WWOX: variants seen among roughly 807,000 people sequenced by gnomAD.
WWOX encodes WW domain containing oxidoreductase, also known as WW domain-containing oxidoreductase.
In WWOX, 69 loss-of-function variants were observed where a neutral mutation model predicts 46.2. The ratio of observed to expected loss-of-function variants is 1.49; its 90% CI spans 1.23 to 1.82. WWOX has a LOEUF of 1.82. WWOX is among the 40% of genes most tolerant of loss of function. The pLI, the probability that WWOX is intolerant of heterozygous loss-of-function variation, is 0.00. For synonymous variants in WWOX, 359 were observed against 202.6 expected, an observed-to-expected ratio of 1.77 and a Z score of -6.56; for missense variants, 919 against 542.6, an observed-to-expected ratio of 1.69 and a Z score of -6.89.
chr16:78,912,766 C>T (rs1047058981), intron 8 of WWOX, among the ~76,000 whole-genome samples: 2 of 151,930 alleles, frequency 1.3e-5, no homozygotes, highest in African/African-American at 4.8e-5. Flanking sequence ...AAACCAACTT[C>T]TAGTCAAGTT....
intron 8 of WWOX, among the ~76,000 whole-genome samples, chr16:78,541,601 G>C (rs2043897639): frequency 2.0e-5 from 3 of 148,420 alleles, no homozygotes; most frequent in South Asian, 4.5e-4. Context: ...ATTGTTTATA[G>C]TTAAGTTAAT....
chr16:78,449,556 A>G (rs2083641578), intron 8 of WWOX, among the ~76,000 whole-genome samples: 2 of 152,278 alleles, frequency 1.3e-5, no homozygotes, highest in South Asian at 4.1e-4. Flanking sequence ...CATAGCATTT[A>G]TTACGGATAA....
intron 8 of WWOX, among the ~76,000 whole-genome samples, chr16:78,529,692 C>T (rs139989784): frequency 6.6e-6 from 1 of 152,100 alleles, no homozygotes; most frequent in African/African-American, 2.4e-5. Context: ...TGGTCTCGAT[C>T]TCCTGACCTC....
intron 8 of WWOX, among the ~76,000 whole-genome samples, chr16:78,436,917 T>A (rs1447855288): frequency 1.3e-5 from 2 of 152,236 alleles, no homozygotes; most frequent in Non-Finnish European, 2.9e-5. Context: ...TTTTTGGATA[T>A]AAGCCACGCA....
At chr16:79,023,678 G>A (rs1217486887) in intron 8 of WWOX, among the ~76,000 whole-genome samples, 2 of 152,068 alleles carry the variant, frequency 1.3e-5, no homozygotes, top group Non-Finnish European at 2.9e-5. Context: ...CCAGCACTTT[G>A]GGAGGCTGAG....
At chr16:78,853,443 T>C (rs1462593472) in intron 8 of WWOX, among the ~76,000 whole-genome samples, 1 of 152,106 alleles carries the variant, frequency 6.6e-6, no homozygotes, top group Non-Finnish European at 1.5e-5. Context: ...GTTTTCATTA[T>C]TGTGGTTATC....
intron 8 of WWOX, chr16:78,890,449 T>C (rs1198809710): frequency 4.0e-5 from 6 of 151,720 alleles, no homozygotes; most frequent in Non-Finnish European, 7.3e-5. Flanking sequence ...TCTGAGACTG[T>C]TCCCCCAGCC....
intron 5 of WWOX, among the ~76,000 whole-genome samples, chr16:78,360,634 CTTTCTTGTAAT>C (rs2081389358): frequency 6.7e-5 from 3 of 44,792 alleles, no homozygotes; most frequent in African/African-American, 1.8e-4. Context: ...AGTACCTCTA[CTTTCTTGTAAT>C]TTTAGCAGTT....
chr16:78,957,307 A>G (rs1254349004), intron 8 of WWOX, among the ~76,000 whole-genome samples: 1 of 152,250 alleles, frequency 6.6e-6, no homozygotes, highest in African/African-American at 2.4e-5. Flanking sequence ...GAGAAAACTT[A>G]GCATCTAATG....
chr16:78,163,293 A>G (rs997823174), intron 4 of WWOX, among the ~76,000 whole-genome samples: 4 of 152,194 alleles, frequency 2.6e-5, no homozygotes, highest in Non-Finnish European at 5.9e-5. Context: ...TAATCAAACT[A>G]GGAATTGAAA....
Position 78,542,137 on chromosome 16 carries a change from A to G in WWOX, c.1056+109385A>G, listed in dbSNP as rs569218290. Among the ~76,000 whole-genome samples, 16 of 150,208 alleles carry G rather than the reference A, an allele frequency of 1.1e-4. No individual in the cohort carries two copies. In the South Asian group the frequency reaches 1.1e-3, roughly 10 times the overall value. ...TCTTGGAGAAACCTCCCAAATTTCT[A>G]TCGACACTAGACATCTCAGGATTTG... On this transcript the variant is annotated intron_variant, in intron 8 of 8. Transcript: ENST00000566780.
At chr16:78,239,777 C>T (rs570023359) in intron 5 of WWOX, among the ~76,000 whole-genome samples, 1 of 152,000 alleles carries the variant, frequency 6.6e-6, no homozygotes, top group African/African-American at 2.4e-5. Flanking sequence ...TCAGGTGATC[C>T]GCCAGTCTCA....
intron 8 of WWOX, among the ~76,000 whole-genome samples, chr16:78,749,784 C>G (rs1231995929): frequency 1.3e-5 from 2 of 152,172 alleles, no homozygotes; most frequent in African/African-American, 4.8e-5. Flanking sequence ...TGAAATGCAA[C>G]TGTACTTCCT....
At chr16:78,215,880 C>T (rs1379706481) in intron 5 of WWOX, among the ~76,000 whole-genome samples, 1 of 150,952 alleles carries the variant, frequency 6.6e-6, no homozygotes, top group Non-Finnish European at 1.5e-5. Flanking sequence ...GAGCCGAGAT[C>T]ATGCCACTGC....
chr16:78,381,618 A>T (rs1260590050), intron 5 of WWOX, among the ~76,000 whole-genome samples: 3 of 152,214 alleles, frequency 2.0e-5, no homozygotes, highest in African/African-American at 7.2e-5. Context: ...GCCTGAGATA[A>T]GCTTGTACTG....
Position 78,644,938 on chromosome 16 carries a change from A to C in WWOX, c.1056+212186A>C, listed in dbSNP as rs113075098. Among the ~76,000 whole-genome samples the C allele has an allele frequency of 2.8e-3, 422 of 152,300 alleles. 1 individual carries two copies. The highest frequency in any genetic ancestry group is 9.8e-3 in the African/African-American group (407 of 41,572). The stretch of plus-strand genomic sequence containing the variant: ...CTAAGGAAAATTGTATTTTTGTGGA[A>C]TTCTTTGAACTCGTTACTATTAGTA... On this transcript the variant is annotated intron_variant, in intron 8 of 8. Transcript: ENST00000566780.
chr16:78,329,317 G>T (rs1043795435), intron 5 of WWOX, among the ~76,000 whole-genome samples: 1 of 152,174 alleles, frequency 6.6e-6, no homozygotes, highest in Non-Finnish European at 1.5e-5. Flanking sequence ...GGCATTTGGG[G>T]AAGGGCTCTC....
Position 78,186,821 on chromosome 16 carries a change from T to C in WWOX, c.516+22532T>C, listed in dbSNP as rs537335426. 9.9e-5 allele frequency among the ~76,000 whole-genome samples: 15 copies of C among 152,140 alleles called. 1 individual carries two copies. Among genetic ancestry groups the C allele is most frequent in the Non-Finnish European group, 8.8e-5 (6 of 68,034 alleles). ...AAATAAGTTTAGATTCTCATAGAAG[T>C]TGCGAAGAATAGTCTATAGTATTCT... On this transcript the variant is annotated intron_variant, in intron 5 of 8. Coordinates refer to ENST00000566780, the MANE Select transcript of WWOX (RefSeq NM_016373.4).
At chr16:78,836,426 C>T (rs938237360) in intron 8 of WWOX, among the ~76,000 whole-genome samples, 1 of 152,162 alleles carries the variant, frequency 6.6e-6, no homozygotes, top group Non-Finnish European at 1.5e-5. Flanking sequence ...AAACTTATTC[C>T]CGCAAGGACA....
Sources: gnomAD v4.1 joint callset for allele counts (sites outside exome capture counted in the v4.1 genomes callset) on GRCh38, gnomAD v4.1.1 for gene constraint, MANE v1.5 for transcripts, NCBI Gene and HGNC (gene_info 2026-07-23, HGNC 2026-07-21) for gene names.